Variants in KDR observed in about 807,000 individuals in gnomAD.
The protein encoded by KDR is vascular endothelial growth factor receptor 2.
Under a neutral mutation model 160.9 loss-of-function variants are expected in KDR, and 43 were observed. The ratio of observed to expected loss-of-function variants is 0.27; its 90% CI spans 0.21 to 0.34. The LOEUF is 0.34. Among genes scored for constraint, KDR ranks in the 10% least tolerant of loss-of-function variants. KDR has a pLI of 1.00. For synonymous variants in KDR, 617 were observed against 600.1 expected (o/e 1.03, Z -0.41); for missense variants, 1,469 against 1,666.4 (o/e 0.88, Z 2.06).
chr4:55,118,572 A>G (rs754090599), intron 3 of KDR, 32 bp downstream of exon 3: 2 of 1,534,140 alleles, frequency 1.3e-6, no homozygotes, highest in East Asian at 2.2e-5. Flanking sequence ...TGGTAAAGAG[A>G]CGTGGGAAAT....
chr4:55,089,013 C>T (rs1396247644), intron 25 of KDR, 40 bp from the exon 26 acceptor site: 2 of 1,401,176 alleles, frequency 1.4e-6, no homozygotes, highest in East Asian at 2.3e-5. Context: ...ATGCCTCTTT[C>T]TTCCTGAATG....
In KDR at chr4:55,097,751, C is replaced by A; in HGVS notation, c.2525G>T (p.Arg842Leu). Residue 842 changes from arginine (R) to leucine (L), a missense_variant, in exon 18 of 30, where the codon CGT (arginine) becomes CTT (leucine). By Grantham distance (102) the Arg-to-Leu change is moderately radical (BLOSUM62 -2). Transcript: ENST00000263923. The stretch of plus-strand genomic sequence containing the variant: ...TTCAATCACTTGGCCAAAGGCACCA[C>A]GGCCAAGAGGCTTACCTAGAGTCAA... Reference protein sequence around the residue: ...DRLKLGKPLGRGAFGQVIEAD... With the variant: ...DRLKLGKPLGLGAFGQVIEAD... The A allele has an allele frequency of 6.2e-7, 1 of 1,612,276 alleles. No individual in the cohort carries two copies. The highest frequency in any genetic ancestry group is 8.5e-7 in the Non-Finnish European group (1 of 1,178,912).
At position 55,095,751 on chromosome 4, in the gene KDR, C is replaced by T. The variant is rs774509029; in HGVS notation, c.2729-86G>A. The T allele has an allele frequency of 5.4e-6, 5 of 924,110 alleles. No homozygotes were observed. In the Admixed American group the frequency reaches 5.4e-5, roughly 10 times the overall value. The allele number at this position is 924,110 out of a possible 1,614,324, so 57.2% of individuals were successfully genotyped here. The stretch of plus-strand genomic sequence containing the variant: ...TAATATAGTGATGAACCCAAAAACA[C>T]CTTAGAAGAAGGCTACAACCTTTCA... On this transcript the variant is annotated intron_variant, in intron 19 of 29. Transcript: ENST00000263923.
intron 9 of KDR, 32 bp from the exon 10 acceptor site, chr4:55,107,925 C>A: frequency 1.2e-6 from 2 of 1,612,538 alleles, no homozygotes; most frequent in South Asian, 2.2e-5. Context: ...TTTGAATTGT[C>A]AGTCAGCTTT....
At chr4:55,119,397 G>A (rs1376098259) in intron 2 of KDR, among the ~76,000 whole-genome samples, 1 of 152,142 alleles carries the variant, frequency 6.6e-6, no homozygotes, top group Admixed American at 6.5e-5. Context: ...AAAGAGCAGT[G>A]AACAAATCAG....
At chr4:55,105,630 T>C (rs1331419742) in intron 12 of KDR, among the ~76,000 whole-genome samples, 1 of 152,194 alleles carries the variant, frequency 6.6e-6, no homozygotes, top group Non-Finnish European at 1.5e-5. Context: ...CTCTCCAGTG[T>C]AGTTAGACGC....
rs1056658814 is a variant in KDR, at chr4:55,125,169, G to C, written c.67+58C>G. The stretch of plus-strand genomic sequence containing the variant: ...GATTCCGAGTTAGATCTGGCTTTCA[G>C]GTCCTCTCCGCCCTCACCCGACCTG... On this transcript the variant is annotated intron_variant, in intron 1 of 29. Coordinates refer to ENST00000263923, the MANE Select transcript of KDR (RefSeq NM_002253.4). 18 of 1,492,924 alleles carry C rather than the reference G, an allele frequency of 1.2e-5. No individual in the cohort carries two copies. In the African/African-American group the frequency reaches 2.2e-4, roughly 18 times the overall value. The allele number at this position is 1,492,924 out of a possible 1,614,324, so 92.5% of individuals were successfully genotyped here. A position where few individuals can be genotyped will look rare whatever the true frequency, so the allele number is the denominator to read the frequency against.
intron 27 of KDR, among the ~76,000 whole-genome samples, chr4:55,083,554 G>GCTC (rs1159205910): frequency 6.6e-6 from 1 of 152,060 alleles, no homozygotes; most frequent in Non-Finnish European, 1.5e-5. Context: ...TCTTGAGAAT[G>GCTC]CTCCTTCCCG....
chr4:55,087,558 T>C (rs551175926), intron 27 of KDR, 49 bp downstream of exon 27: 4 of 1,564,462 alleles, frequency 2.6e-6, no homozygotes, highest in Non-Finnish European at 3.5e-6. Flanking sequence ...CCTCCCGAGA[T>C]GGCCTTGAAG....
At chr4:55,106,887 GA>G in intron 10 of KDR, 77 bp from the exon 11 acceptor site, 1 of 1,277,404 alleles carries the variant, frequency 7.8e-7, no homozygotes, top group Non-Finnish European at 1.1e-6. Flanking sequence ...AAAAGATTCA[GA>G]CTTTGGTTAT....
chr4:55,118,577 G>T (rs781102332), intron 3 of KDR, 27 bp downstream of exon 3: 1 of 1,565,932 alleles, frequency 6.4e-7, no homozygotes, highest in South Asian at 1.1e-5. Flanking sequence ...AAGAGACGTG[G>T]GAAATGAATT....
Position 55,125,459 on chromosome 4 carries a change from G to A in KDR, c.-166C>T, listed in dbSNP as rs901494825. The A allele has an allele frequency of 1.3e-6, 1 of 755,622 alleles. No homozygotes were observed. The highest frequency in any genetic ancestry group is 2.2e-6 in the Non-Finnish European group (1 of 459,634). The allele number at this position is 755,622 out of a possible 1,614,324, so 46.8% of individuals were successfully genotyped here. A position where few individuals can be genotyped will look rare whatever the true frequency, so the allele number is the denominator to read the frequency against. On this transcript the variant is annotated 5_prime_UTR_variant, in exon 1 of 30. Transcript: ENST00000263923. ...CCGGGCGCCGACCGCGGCTGCAGGG[G>A]CGTCTGCGGGTGCCGGTAGGAGAGG... is the stretch of plus-strand genomic sequence containing the variant.
rs1720558597 is a variant in KDR, at chr4:55,110,715, C to A, written c.1030G>T (p.Val344Leu). ...SGMESLVEAT[V>L]GERVRIPAKY... is the part of the protein sequence containing the mutation. ...GCAGGGATTCTGACACGCTCCCCCACCGTGGCTTCCACCAGAGATTCCATG... is the reference window on the plus strand; with the variant it reads ...GCAGGGATTCTGACACGCTCCCCCAACGTGGCTTCCACCAGAGATTCCATG... Residue 344 changes from valine (V) to leucine (L), a missense_variant, in exon 8 of 30, where the codon GTG becomes TTG. Coordinates refer to ENST00000263923, the MANE Select transcript of KDR (RefSeq NM_002253.4). The A allele has an allele frequency of 6.2e-7, 1 of 1,613,836 alleles. No individual in the cohort carries two copies. The highest frequency in any genetic ancestry group is 8.5e-7 in the Non-Finnish European group (1 of 1,179,962).
chr4:55,105,866 C>A lies in KDR; in HGVS notation c.1611G>T (p.Gly537=). Residue 537 remains glycine, a synonymous_variant, in exon 12 of 30, where the codon GGG becomes GGT. Transcript: ENST00000263923. The part of the protein sequence containing the change: ...LYKCEAVNKV[G]RGERVISFHV... ...GGAAGGAGATCACCCTCTCTCCTCTCCCGACTTTGTTGACCGCTTCACATT... is the reference window on the plus strand; with the variant it reads ...GGAAGGAGATCACCCTCTCTCCTCTACCGACTTTGTTGACCGCTTCACATT... 6.2e-7 allele frequency: 1 copy of A among 1,613,322 alleles called. No homozygotes were observed. The highest frequency in any genetic ancestry group is 8.5e-7 in the Non-Finnish European group (1 of 1,179,318).
rs949197675 is a variant in KDR at position 55,110,501 on chromosome 4, A to G, written c.1157T>C (p.Met386Thr). ...TIKAGHVLTI[M>T]EVSERDTGNY... ...TCCTGTGTCTCTTTCACTCACTTCCATAATCGTCAGTACATGCCCCGCTTT... is the reference window on the plus strand; with the variant it reads ...TCCTGTGTCTCTTTCACTCACTTCCGTAATCGTCAGTACATGCCCCGCTTT... Residue 386 changes from methionine (M) to threonine (T), a missense_variant, in exon 9 of 30, where the codon ATG becomes ACG. This residue lies in a region of KDR where 792 missense variants were observed against 840.9 expected (regional missense o/e 0.94). Coordinates refer to ENST00000263923, the MANE Select transcript of KDR (RefSeq NM_002253.4). The G allele has an allele frequency of 6.2e-7, 1 of 1,614,030 alleles. No individual in the cohort carries two copies. The highest frequency in any genetic ancestry group is 8.5e-7 in the Non-Finnish European group (1 of 1,179,944).
intron 26 of KDR, among the ~76,000 whole-genome samples, chr4:55,088,197 G>T (rs1023369634): frequency 3.3e-5 from 5 of 152,078 alleles, no homozygotes; most frequent in Non-Finnish European, 5.9e-5. Flanking sequence ...GCAACAAATG[G>T]GTAGGAAAAT....
Position 55,122,462 on chromosome 4 carries a change from A to G in KDR, c.68-1272T>C, listed in dbSNP as rs144057875. Among the ~76,000 whole-genome samples, 20 of 152,316 alleles carry G rather than the reference A, an allele frequency of 1.3e-4. No individual in the cohort carries two copies. In the East Asian group the frequency reaches 3.1e-3, roughly 23 times the overall value. On this transcript the variant is annotated intron_variant, in intron 1 of 29. Transcript: ENST00000263923. ...CTTGCTGGGCAAATAAGAGAGTATG[A>G]ACAAATAGGACGAAGTATGAGACGG...
chr4:55,094,719 T>G, intron 21 of KDR, 83 bp downstream of exon 21: 2 of 1,315,602 alleles, frequency 1.5e-6, no homozygotes, highest in Non-Finnish European at 2.2e-6. Context: ...ACTTTTCCCA[T>G]GATCAAATTC....
intron 29 of KDR, among the ~76,000 whole-genome samples, chr4:55,081,734 C>T (rs536943793): frequency 5.9e-5 from 9 of 152,308 alleles, no homozygotes; most frequent in African/African-American, 2.2e-4. Flanking sequence ...CATGAATTCT[C>T]ATAAAAATTG....
Sources: gnomAD v4.1 joint callset for allele counts (sites outside exome capture counted in the v4.1 genomes callset) on GRCh38, gnomAD v4.1.1 for gene constraint, gnomAD v4.1.1 regional missense constraint, MANE v1.5 for transcripts, NCBI Gene and HGNC (gene_info 2026-07-23, HGNC 2026-07-21) for gene names.